CMC1: variants seen among roughly 807,000 people sequenced by gnomAD.
The protein encoded by CMC1 is C-X9-C motif containing 1.
Under a neutral mutation model 14.1 loss-of-function variants are expected in CMC1, and 14 were observed. The ratio of observed to expected loss-of-function variants is 0.99; its 90% confidence interval spans 0.66 to 1.55. CMC1 has a LOEUF of 1.55. Among genes scored for constraint, CMC1 ranks in the 40% most tolerant of loss-of-function variants. The pLI is 0.00. For missense variants in CMC1, 127 were observed against 123.8 expected (o/e 1.03, Z -0.12); for synonymous variants, 50 against 38.4 (o/e 1.30, Z -1.12).
At position 28,324,421 on chromosome 3, in the gene CMC1, C is replaced by A. The variant is rs546597949; in HGVS notation, c.*4792C>A. ...CAAGTGCAGTTTTGTGCTGTCTCTT[C>A]CAAGGTCTTCACTGCATCCTACAGG... On this transcript the variant is annotated 3_prime_UTR_variant, in exon 4 of 4. Coordinates refer to ENST00000466830, the MANE Select transcript of CMC1 (RefSeq NM_182523.2). 6.6e-5 allele frequency: 101 copies of A among 1,528,108 alleles called. 1 individual carries two copies. The South Asian group carries it at 1.2e-3, about 17-fold the overall frequency. The allele number at this position is 1,528,108 out of a possible 1,614,324, so 94.7% of individuals were successfully genotyped here. A position where few individuals can be genotyped will look rare whatever the true frequency, so the allele number is the denominator to read the frequency against.
At chr3:28,294,710 C>T (rs559200502) in intron 2 of CMC1, among the ~76,000 whole-genome samples, 6 of 152,066 alleles carry the variant, frequency 3.9e-5, no homozygotes, top group Admixed American at 2.6e-4. Context: ...ATCTTTTTAA[C>T]TTGTGGTTCT....
intron 2 of CMC1, among the ~76,000 whole-genome samples, chr3:28,266,504 GT>G (rs752993437): frequency 2.0e-4 from 29 of 146,456 alleles, no homozygotes; most frequent in East Asian, 1.2e-3. Context: ...AAAGTATATG[GT>G]TTTTTTTTTT....
At chr3:28,275,567 C>A (rs998329526) in intron 2 of CMC1, among the ~76,000 whole-genome samples, 2 of 151,842 alleles carry the variant, frequency 1.3e-5, no homozygotes, top group Non-Finnish European at 2.9e-5. Flanking sequence ...TTGGCAACCC[C>A]CCGATTGGGT....
At chr3:28,282,672 C>T (rs967537115) in intron 2 of CMC1, among the ~76,000 whole-genome samples, 4 of 151,996 alleles carry the variant, frequency 2.6e-5, no homozygotes, top group African/African-American at 7.3e-5. Context: ...TGCTTTTTTC[C>T]TTCTAATCAA....
chr3:28,242,186 C>T (rs1698563871), intron 1 of CMC1, among the ~76,000 whole-genome samples: 1 of 152,190 alleles, frequency 6.6e-6, no homozygotes. Context: ...TTTTACATTT[C>T]TGTTTGGGAG....
chr3:28,297,805 G>GT (rs1431424867), intron 2 of CMC1, among the ~76,000 whole-genome samples: 1 of 151,986 alleles, frequency 6.6e-6, no homozygotes, highest in African/African-American at 2.4e-5. Flanking sequence ...CTGGAATAAA[G>GT]TAACAGCTGT....
intron 1 of CMC1, among the ~76,000 whole-genome samples, chr3:28,259,959 T>G (rs1205609735): frequency 2.0e-5 from 3 of 152,182 alleles, no homozygotes; most frequent in Non-Finnish European, 4.4e-5. Context: ...CTAGAAGATT[T>G]TTTGTAGATG....
In CMC1 at chr3:28,324,578, T is replaced by C. The variant is rs545192948; in HGVS notation, c.*4949T>C. 2.4e-6 allele frequency: 2 copies of C among 848,666 alleles called. No homozygotes were observed. The highest frequency in any genetic ancestry group is 3.5e-5 in the Admixed American group (1 of 28,824). The allele number at this position is 848,666 out of a possible 1,614,324, so 52.6% of individuals were successfully genotyped here. ...AATTAAGATTTCCAAGTTAGTGTGA[T>C]CATTGAGGCACTGTGACTAGGAGAT... On this transcript the variant is annotated 3_prime_UTR_variant, in exon 4 of 4. Coordinates refer to ENST00000466830, the MANE Select transcript of CMC1 (RefSeq NM_182523.2).
chr3:28,263,349 G>A lies in CMC1; in HGVS notation c.78G>A (p.Lys26=), dbSNP rs1036201856. 3 of 1,607,970 alleles carry A rather than the reference G, an allele frequency of 1.9e-6. No homozygotes were observed. Among genetic ancestry groups the A allele is most frequent in the Non-Finnish European group, 2.5e-6 (3 of 1,177,042 alleles). ...TGATCCCTAAAATAATGAGAGAAAAGGCCAAAGAGAGGTGTTCTGAACAAG... is the reference window on the plus strand; with the variant it reads ...TGATCCCTAAAATAATGAGAGAAAAAGCCAAAGAGAGGTGTTCTGAACAAG... The part of the protein sequence containing the change: ...DVLIPKIMRE[K]AKERCSEQVQ... Residue 26 remains lysine, a synonymous_variant, in exon 2 of 4, where the codon AAG becomes AAA. Coordinates refer to ENST00000466830, the MANE Select transcript of CMC1 (RefSeq NM_182523.2).
chr3:28,292,020 AT>A (rs2125550404), intron 2 of CMC1: 1 of 151,788 alleles, frequency 6.6e-6, no homozygotes, highest in South Asian at 2.1e-4. Context: ...TTTTTGCTTT[AT>A]TTTTCTGTGG....
chr3:28,322,539 A>G lies in CMC1; in HGVS notation c.*2910A>G, dbSNP rs1179583403. 1 of 151,658 alleles carries G rather than the reference A, an allele frequency of 6.6e-6. No homozygotes were observed. The allele number at this position is 151,658 out of a possible 1,614,324, so 9.4% of individuals were successfully genotyped here. A position where few individuals can be genotyped will look rare whatever the true frequency, so the allele number is the denominator to read the frequency against. On this transcript the variant is annotated 3_prime_UTR_variant, in exon 4 of 4. Coordinates refer to ENST00000466830, the MANE Select transcript of CMC1 (RefSeq NM_182523.2). ...GATATAATATACAGCCTATGCAGCC[A>G]CATGAGAAATAGTTTTTGCTGCTTT...
chr3:28,278,607 C>G (rs946831907), intron 2 of CMC1, among the ~76,000 whole-genome samples: 1 of 152,196 alleles, frequency 6.6e-6, no homozygotes, highest in African/African-American at 2.4e-5. Context: ...CCAGAAGAAA[C>G]CATAACTACA....
chr3:28,256,034 G>T (rs1211167355), intron 1 of CMC1, among the ~76,000 whole-genome samples: 1 of 152,038 alleles, frequency 6.6e-6, no homozygotes, highest in African/African-American at 2.4e-5. Flanking sequence ...TTCTCTTTGT[G>T]CCTGTGTGTC....
At chr3:28,312,491 A>G (rs1702685034) in intron 2 of CMC1, among the ~76,000 whole-genome samples, 1 of 152,232 alleles carries the variant, frequency 6.6e-6, no homozygotes, top group African/African-American at 2.4e-5. Flanking sequence ...AGAAAGTGTA[A>G]AAGATGAACT....
intron 2 of CMC1, among the ~76,000 whole-genome samples, chr3:28,312,917 C>T (rs938834118): frequency 5.9e-5 from 9 of 152,032 alleles, no homozygotes; most frequent in Non-Finnish European, 1.3e-4. Context: ...AGTGCAGTGG[C>T]ATGATCTCAG....
At chr3:28,318,831 T>C (rs1261497118) in intron 3 of CMC1, 1 of 155,432 alleles carries the variant, frequency 6.4e-6, no homozygotes, top group Non-Finnish European at 1.4e-5. Context: ...TTTTGTCCTA[T>C]CTGCCACATG....
chr3:28,246,381 A>T (rs1272938159), intron 1 of CMC1, among the ~76,000 whole-genome samples: 1 of 152,154 alleles, frequency 6.6e-6, no homozygotes, highest in African/African-American at 2.4e-5. Context: ...GTGCCATGGC[A>T]GTGGGTTGGG....
At chr3:28,243,738 GACAA>G (rs931627379) in intron 1 of CMC1, among the ~76,000 whole-genome samples, 3 of 152,104 alleles carry the variant, frequency 2.0e-5, no homozygotes, top group African/African-American at 7.2e-5. Context: ...TAGTACATAG[GACAA>G]ACAAAATTCC....
intron 1 of CMC1, among the ~76,000 whole-genome samples, chr3:28,258,300 A>G (rs1195858955): frequency 1.3e-5 from 2 of 151,488 alleles, no homozygotes; most frequent in Non-Finnish European, 2.9e-5. Flanking sequence ...ATGATTTCAT[A>G]TTAGTGAAGT....
Sources: allele counts gnomAD v4.1 joint callset (sites outside exome capture counted in the v4.1 genomes callset), GRCh38; gene constraint gnomAD v4.1.1; transcripts MANE v1.5; gene names NCBI Gene and HGNC (gene_info 2026-07-23, HGNC 2026-07-21).